MORC3: variants seen among roughly 807,000 people sequenced by gnomAD.
MORC3 encodes MORC family CW-type zinc finger 3, also known as MORC family CW-type zinc finger protein 3.
In MORC3, 31 loss-of-function variants were observed where a neutral mutation model predicts 109.1. The observed-to-expected ratio is 0.28, with a 90% CI of 0.21 to 0.38. The LOEUF (loss-of-function observed/expected upper bound fraction) is 0.38. MORC3 is among the 10% of genes least tolerant of loss of function. MORC3 has a pLI of 1.00. For missense variants in MORC3, 867 were observed against 1,135.8 expected, an observed-to-expected ratio of 0.76 and a Z score of 3.40; for synonymous variants, 395 against 380.7, an observed-to-expected ratio of 1.04 and a Z score of -0.44.
intron 5 of MORC3, 39 bp from the exon 6 acceptor site, chr21:36,341,360 A>C (rs776303570): frequency 2.6e-6 from 4 of 1,566,118 alleles, no homozygotes; most frequent in Middle Eastern, 1.8e-4. Flanking sequence ...TCTTGCTGTG[A>C]AGTTAAATTT....
chr21:36,347,227 T>A (rs764503428), intron 8 of MORC3, among the ~76,000 whole-genome samples: 3 of 152,186 alleles, frequency 2.0e-5, no homozygotes, highest in Non-Finnish European at 4.4e-5. Flanking sequence ...AGTATACCAA[T>A]GCAGATTCAC....
rs749922419 is a variant in MORC3, at chr21:36,333,764, A to G, written c.112+46A>G. ...TATACCATTTGTTGCTTACAATTGTAGTGTTTTTTTTTTTGTTTTGTTTTG... is the reference window on the plus strand; with the variant it reads ...TATACCATTTGTTGCTTACAATTGTGGTGTTTTTTTTTTTGTTTTGTTTTG... On this transcript the variant is annotated intron_variant, in intron 2 of 16. Coordinates refer to ENST00000400485, the MANE Select transcript of MORC3 (RefSeq NM_015358.3). 16 of 1,201,386 alleles carry G rather than the reference A, an allele frequency of 1.3e-5. No individual in the cohort carries two copies. The South Asian group carries it at 2.1e-4, about 16-fold the overall frequency. 74.4% of individuals were successfully genotyped at this position (1,201,386 alleles called of 1,614,324 possible). A position where few individuals can be genotyped will look rare whatever the true frequency, so the allele number is the denominator to read the frequency against.
In MORC3 at chr21:36,376,317, A is replaced by G. The variant is rs2633325; in HGVS notation, c.*1021A>G. 6.6e-6 allele frequency: 1 copy of G among 152,668 alleles called. No individual in the cohort carries two copies. The highest frequency in any genetic ancestry group is 2.4e-5 in the African/African-American group (1 of 41,466). The allele number at this position is 152,668 out of a possible 1,614,324, so 9.5% of individuals were successfully genotyped here. A position where few individuals can be genotyped will look rare whatever the true frequency, so the allele number is the denominator to read the frequency against. On this transcript the variant is annotated 3_prime_UTR_variant, in exon 17 of 17. Transcript: ENST00000400485. Reference sequence around the variant, plus strand: ...TCTATTAAGTATAAACTATGTATATATAAGAACCATATTTTCCACAACTAA... The same window carrying G: ...TCTATTAAGTATAAACTATGTATATGTAAGAACCATATTTTCCACAACTAA...
Position 36,375,594 on chromosome 21 carries a change from T to C in MORC3, c.*298T>C, listed in dbSNP as rs2085921641. 2 of 181,040 alleles carry C rather than the reference T, an allele frequency of 1.1e-5. No homozygotes were observed. Among genetic ancestry groups the C allele is most frequent in the Admixed American group, 6.0e-5 (1 of 16,538 alleles). The allele number at this position is 181,040 out of a possible 1,614,324, so 11.2% of individuals were successfully genotyped here. A position where few individuals can be genotyped will look rare whatever the true frequency, so the allele number is the denominator to read the frequency against. On this transcript the variant is annotated 3_prime_UTR_variant, in exon 17 of 17. Coordinates refer to ENST00000400485, the MANE Select transcript of MORC3 (RefSeq NM_015358.3). Reference sequence around the variant, plus strand: ...TTATTGCCCTAGAGTACTCAAGTGTTTTTCACCAAGAGCTTTTCAGGTTGC... The same window carrying C: ...TTATTGCCCTAGAGTACTCAAGTGTCTTTCACCAAGAGCTTTTCAGGTTGC...
intron 6 of MORC3, among the ~76,000 whole-genome samples, chr21:36,343,508 G>A (rs2085474890): frequency 6.6e-6 from 1 of 150,618 alleles, no homozygotes; most frequent in African/African-American, 2.5e-5. Context: ...GAGTGCAGTG[G>A]CGTGATCTCG....
intron 16 of MORC3, among the ~76,000 whole-genome samples, chr21:36,373,826 T>C (rs188118023): frequency 6.6e-6 from 1 of 152,226 alleles, no homozygotes; most frequent in African/African-American, 2.4e-5. Context: ...TATATTGTAG[T>C]GGGGTAGGGA....
Position 36,372,417 on chromosome 21 carries a change from G to C in MORC3, c.2552G>C (p.Cys851Ser). 6.2e-7 allele frequency: 1 copy of C among 1,600,648 alleles called. No homozygotes were observed. Among genetic ancestry groups the C allele is most frequent in the African/African-American group, 1.3e-5 (1 of 74,292 alleles). The stretch of plus-strand genomic sequence containing the variant: ...GAAAAGTCACAAATCCGTTCACAGT[G>C]TGAAGAACTCAAAACTGAAGTAGAA... ...EMEKSQIRSQ[C>S]EELKTEVEQL... The change falls in exon 16 of 17, where the codon TGT (cysteine) becomes TCT (serine). Residue 851 changes from cysteine (C) to serine (S), a missense_variant. Physicochemically the swap from Cys to Ser is moderately radical, Grantham distance 112 (BLOSUM62 -1). Transcript: ENST00000400485.
intron 9 of MORC3, among the ~76,000 whole-genome samples, chr21:36,350,878 A>G (rs924837052): frequency 2.6e-5 from 4 of 152,132 alleles, no homozygotes; most frequent in African/African-American, 9.7e-5. Flanking sequence ...GTTCATTTGT[A>G]TGGAATACAT....
At chr21:36,337,658 AT>A in intron 3 of MORC3, 73 bp from the exon 4 acceptor site, 1 of 1,038,956 alleles carries the variant, frequency 9.6e-7, no homozygotes, top group East Asian at 2.9e-5. Context: ...AAAAAAAAAG[AT>A]TATAGGTATT....
chr21:36,331,119 C>T (rs1457076380), intron 1 of MORC3, among the ~76,000 whole-genome samples: 2 of 152,010 alleles, frequency 1.3e-5, no homozygotes, highest in African/African-American at 2.4e-5. Context: ...TGTGGCAGCA[C>T]GTGAGCACTA....
chr21:36,361,310 G>A (rs1271421957), intron 12 of MORC3, among the ~76,000 whole-genome samples: 6 of 151,880 alleles, frequency 4.0e-5, no homozygotes, highest in African/African-American at 1.5e-4. Context: ...TTGGGAGACT[G>A]AGGTGGGTGG....
chr21:36,329,310 AAAAG>A (rs201626487), intron 1 of MORC3, among the ~76,000 whole-genome samples: 14,938 of 151,954 alleles, frequency 0.098, 882 homozygotes, highest in Non-Finnish European at 0.13. Flanking sequence ...CAAAAAAAAA[AAAAG>A]AAAGTTTACA....
At chr21:36,368,456 A>G (rs1302333823) in intron 14 of MORC3, among the ~76,000 whole-genome samples, 1 of 152,234 alleles carries the variant, frequency 6.6e-6, no homozygotes, top group East Asian at 1.9e-4. Context: ...CTGGTACTTC[A>G]AAGAGATCTC....
intron 10 of MORC3, 147 bp from the exon 11 acceptor site, chr21:36,359,808 C>T: frequency 8.6e-7 from 1 of 1,163,722 alleles, no homozygotes; most frequent in Non-Finnish European, 1.2e-6. Flanking sequence ...AGCCGTCGCA[C>T]CCAGCCTAAT....
In MORC3 at chr21:36,365,377, C is replaced by T. The variant is rs543873158; in HGVS notation, c.1619+1118C>T. On this transcript the variant is annotated intron_variant, in intron 14 of 16. Transcript: ENST00000400485. ...GTGATGTCTACAAACGAGTGGATCA[C>T]ACTGACTATACTGATGTTTGTTATT... Among the ~76,000 whole-genome samples, 285 of 152,280 alleles carry T rather than the reference C, an allele frequency of 1.9e-3. 1 individual carries two copies. Among genetic ancestry groups the T allele is most frequent in the African/African-American group, 6.2e-3 (259 of 41,570 alleles).
At chr21:36,340,409 C>A (rs2146303198) in intron 5 of MORC3, among the ~76,000 whole-genome samples, 1 of 152,060 alleles carries the variant, frequency 6.6e-6, no homozygotes, top group South Asian at 2.1e-4. Context: ...TAGCCATACC[C>A]ACTTCCCTCA....
chr21:36,365,982 T>A (rs528699901), intron 14 of MORC3, among the ~76,000 whole-genome samples: 1 of 152,310 alleles, frequency 6.6e-6, no homozygotes, highest in Admixed American at 6.5e-5. Context: ...CATTTTTGGC[T>A]TTTCTTTGTA....
intron 9 of MORC3, among the ~76,000 whole-genome samples, chr21:36,352,071 A>G (rs1278369177): frequency 6.6e-6 from 1 of 152,208 alleles, no homozygotes; most frequent in Non-Finnish European, 1.5e-5. Context: ...CATTAAAACC[A>G]AGTGGGTTGT....
chr21:36,358,150 C>T (rs1041135879), intron 10 of MORC3, among the ~76,000 whole-genome samples: 3 of 151,028 alleles, frequency 2.0e-5, no homozygotes, highest in Non-Finnish European at 3.0e-5. Context: ...GGAGGCCAAC[C>T]GAGGCGGGCG....
Sources: allele counts gnomAD v4.1 joint callset (sites outside exome capture counted in the v4.1 genomes callset), GRCh38; gene constraint gnomAD v4.1.1; transcripts MANE v1.5; gene names NCBI Gene and HGNC (gene_info 2026-07-23, HGNC 2026-07-21).